USP15: variants seen among roughly 807,000 people sequenced by gnomAD.
USP15 encodes ubiquitin specific peptidase 15, also known as ubiquitin carboxyl-terminal hydrolase 15.
A neutral mutation model predicts 127.1 loss-of-function variants in USP15; 18 were observed. That is an observed-to-expected ratio of 0.14 (90% CI 0.10 to 0.21). The LOEUF (loss-of-function observed/expected upper bound fraction) is 0.21, where lower values mean the gene tolerates loss of function less well. Ranked by LOEUF, USP15 falls within the 10% of genes least tolerant of loss-of-function variation. The pLI, the probability that USP15 is intolerant of heterozygous loss-of-function variation, is 1.00. For missense variants in USP15, 805 were observed against 1,159.9 expected, an observed-to-expected ratio of 0.69 and a Z score of 4.44; for synonymous variants, 364 against 393.7, an observed-to-expected ratio of 0.92 and a Z score of 0.89.
chr12:62,386,990 GAA>G (rs2067169514), intron 11 of USP15, among the ~76,000 whole-genome samples: 1 of 152,180 alleles, frequency 6.6e-6, no homozygotes. Flanking sequence ...TACTTGACAG[GAA>G]AAGAGGAGAC....
chr12:62,401,850 G>A lies in USP15; in HGVS notation c.2763+575G>A, dbSNP rs2067698806. On this transcript the variant is annotated intron_variant, in intron 21 of 21. Transcript: ENST00000280377. The stretch of plus-strand genomic sequence containing the variant: ...GTTTATCATCCACCGCTGACTCTCA[G>A]TATGGGTTTGTGTGTGTGTGTGTAT... Among the ~76,000 whole-genome samples the A allele has an allele frequency of 2.4e-5, 3 of 122,924 alleles. No individual in the cohort carries two copies. The South Asian group carries it at 8.0e-4, about 33-fold the overall frequency. 80.6% of individuals were successfully genotyped at this position (122,924 alleles called of 152,430 possible). A position where few individuals can be genotyped will look rare whatever the true frequency, so the allele number is the denominator to read the frequency against.
chr12:62,359,604 CTCTTT>C (rs915729147), intron 8 of USP15, among the ~76,000 whole-genome samples: 5 of 152,050 alleles, frequency 3.3e-5, no homozygotes, highest in African/African-American at 1.2e-4. Context: ...TCTATCTGTC[CTCTTT>C]TCTTGAGTCT....
rs530184628 is a variant in USP15, at chr12:62,284,473, C to T, written c.90-9706C>T. Among the ~76,000 whole-genome samples, 68 of 152,236 alleles carry T rather than the reference C, an allele frequency of 4.5e-4. 1 individual carries two copies. The highest frequency in any genetic ancestry group is 8.3e-4 in the South Asian group (4 of 4,820). ...ATATCCACTTTTAGGGAGTTAAACT[C>T]ATGAATATTCTTTAAGAAATCTGAG... On this transcript the variant is annotated intron_variant, in intron 1 of 21. Transcript: ENST00000280377.
intron 20 of USP15, among the ~76,000 whole-genome samples, chr12:62,397,405 A>G (rs1203085630): frequency 6.6e-6 from 1 of 152,048 alleles, no homozygotes; most frequent in African/African-American, 2.4e-5. Context: ...ATATTGGTCT[A>G]TTCAGTTTTC....
intron 1 of USP15, among the ~76,000 whole-genome samples, chr12:62,286,059 CCATT>C (rs2063774921): frequency 6.6e-6 from 1 of 151,824 alleles, no homozygotes; most frequent in Non-Finnish European, 1.5e-5. Context: ...CATATGTTGA[CCATT>C]CATATGTGTT....
At chr12:62,261,149 G>C (rs754158136) in intron 1 of USP15, among the ~76,000 whole-genome samples, 2 of 152,142 alleles carry the variant, frequency 1.3e-5, no homozygotes, top group African/African-American at 2.4e-5. Context: ...CTTGATAGAA[G>C]CCGGCAGCGT....
intron 1 of USP15, among the ~76,000 whole-genome samples, chr12:62,263,521 A>G (rs371296963): frequency 4.6e-5 from 7 of 152,208 alleles, no homozygotes; most frequent in African/African-American, 1.7e-4. Context: ...TAAGCAGTGA[A>G]TGATTTTTAT....
At chr12:62,329,174 C>A (rs1431061116) in intron 6 of USP15, among the ~76,000 whole-genome samples, 1 of 152,092 alleles carries the variant, frequency 6.6e-6, no homozygotes, top group Non-Finnish European at 1.5e-5. Context: ...GAGTTCAAGA[C>A]CAGCCTGGCC....
chr12:62,374,606 T>A, intron 8 of USP15: 1 of 972,250 alleles, frequency 1.0e-6, no homozygotes, highest in Non-Finnish European at 1.2e-6. Flanking sequence ...CTAAAATATG[T>A]TGACTGAAGA....
At chr12:62,374,079 T>C (rs953187028) in intron 8 of USP15, among the ~76,000 whole-genome samples, 1 of 151,952 alleles carries the variant, frequency 6.6e-6, no homozygotes, top group Non-Finnish European at 1.5e-5. Flanking sequence ...TAGAAAACAA[T>C]TGACATGGCG....
At chr12:62,271,667 CCTT>C (rs1339207640) in intron 1 of USP15, among the ~76,000 whole-genome samples, 11 of 151,788 alleles carry the variant, frequency 7.2e-5, no homozygotes, top group African/African-American at 2.7e-4. Context: ...ATTATCATTT[CCTT>C]CTTGCTTCAT....
chr12:62,362,210 C>A (rs967940180), intron 8 of USP15, among the ~76,000 whole-genome samples: 4 of 152,002 alleles, frequency 2.6e-5, no homozygotes, highest in African/African-American at 9.7e-5. Context: ...GCCAATCAAC[C>A]TATAAGAAAT....
intron 6 of USP15, among the ~76,000 whole-genome samples, chr12:62,341,991 C>G (rs1415901538): frequency 1.3e-5 from 2 of 151,906 alleles, no homozygotes; most frequent in African/African-American, 4.8e-5. Flanking sequence ...GTTCACGTCT[C>G]TCTGAAGTGT....
intron 1 of USP15, among the ~76,000 whole-genome samples, chr12:62,284,855 C>T (rs2063745362): frequency 6.6e-6 from 1 of 151,600 alleles, no homozygotes; most frequent in Non-Finnish European, 1.5e-5. Context: ...TCCTAGTGAA[C>T]TCTTGTTTTA....
intron 8 of USP15, among the ~76,000 whole-genome samples, chr12:62,367,938 G>T (rs1328832592): frequency 6.6e-6 from 1 of 152,074 alleles, no homozygotes; most frequent in Non-Finnish European, 1.5e-5. Context: ...GCTTTCTCTT[G>T]TGGGCATTTA....
intron 1 of USP15, among the ~76,000 whole-genome samples, chr12:62,273,450 T>TGAATGAATGAATGAATG (rs1250914614): frequency 6.6e-6 from 1 of 152,108 alleles, no homozygotes; most frequent in Non-Finnish European, 1.5e-5. Flanking sequence ...GAATTCCCAT[T>TGAATGAATGAATGAATG]TCTAAGATGG....
Position 62,401,385 on chromosome 12 carries a change from T to G in USP15, c.2763+110T>G, listed in dbSNP as rs561619666. ...CACTGTAGTCTATATTCTAGCAGCT[T>G]GAGTAGCTAAAAGACACTAACTCTT... On this transcript the variant is annotated intron_variant, in intron 21 of 21. Coordinates refer to ENST00000280377, the MANE Select transcript of USP15 (RefSeq NM_001252078.2). 28 of 741,634 alleles carry G rather than the reference T, an allele frequency of 3.8e-5. No homozygotes were observed. The South Asian group carries it at 5.8e-4, about 15-fold the overall frequency. 45.9% of individuals were successfully genotyped at this position (741,634 alleles called of 1,614,324 possible).
At chr12:62,278,534 A>G (rs1030001561) in intron 1 of USP15, 5 of 152,168 alleles carry the variant, frequency 3.3e-5, no homozygotes, top group Admixed American at 6.6e-5. Context: ...ACAACATCAC[A>G]ATGGCTACAT....
intron 8 of USP15, among the ~76,000 whole-genome samples, chr12:62,357,346 C>T (rs1443876063): frequency 6.6e-6 from 1 of 152,002 alleles, no homozygotes; most frequent in Non-Finnish European, 1.5e-5. Flanking sequence ...CTAGGTTAAG[C>T]TAGATTTGGC....
Sources: gnomAD v4.1 joint callset for allele counts (sites outside exome capture counted in the v4.1 genomes callset) on GRCh38, gnomAD v4.1.1 for gene constraint, MANE v1.5 for transcripts, NCBI Gene and HGNC (gene_info 2026-07-23, HGNC 2026-07-21) for gene names.